ABCB4: variants seen among roughly 807,000 people sequenced by gnomAD.
ABCB4 encodes ATP binding cassette subfamily B member 4.
A neutral mutation model predicts 145.7 loss-of-function variants in ABCB4; 76 were observed. That is an observed-to-expected ratio of 0.52 (90% confidence interval 0.43 to 0.63). The LOEUF (loss-of-function observed/expected upper bound fraction) is 0.63. Ranked by LOEUF, ABCB4 falls within the 30% of genes least tolerant of loss-of-function variation. ABCB4 has a pLI of 0.00. For missense variants in ABCB4, 1,234 were observed against 1,553.1 expected (o/e 0.79, Z 3.45); for synonymous variants, 517 against 566.8 (o/e 0.91, Z 1.25).
chr7:87,376,125 T>C, the ABCB4 span, among the ~76,000 whole-genome samples: 1 of 152,114 alleles, frequency 6.6e-6, no homozygotes, highest in Non-Finnish European at 1.5e-5. Flanking sequence ...AGTAAATTGG[T>C]AAATCCTTGC....
intron 3 of ABCB4, among the ~76,000 whole-genome samples, chr7:87,463,340 T>C (rs1020983376): frequency 1.3e-5 from 2 of 152,056 alleles, no homozygotes; most frequent in Admixed American, 6.5e-5. Flanking sequence ...GGAAAATAGA[T>C]GCTCTGAGTT....
At chr7:87,463,146 T>C (rs1812579853) in intron 3 of ABCB4, among the ~76,000 whole-genome samples, 1 of 152,082 alleles carries the variant, frequency 6.6e-6, no homozygotes, top group African/African-American at 2.4e-5. Flanking sequence ...GAATAAATAA[T>C]TACTATACAA....
rs148865252 is a variant in ABCB4 at position 87,420,052 on chromosome 7, G to C, written c.2340C>G (p.Gly780=). ...FLQGFTFGKA[G]EILTRRLRSM... ...ACCGCAGTCTTCTGGTGAGGATCTC[G>C]CCAGCTTTCCCAAACGTGAAACCCT... Residue 780 remains glycine, a synonymous_variant, in exon 19 of 28, where the codon GGC becomes GGG. Coordinates refer to ENST00000649586, the MANE Select transcript of ABCB4 (RefSeq NM_000443.4). 6.2e-7 allele frequency: 1 copy of C among 1,613,936 alleles called. No homozygotes were observed. The highest frequency in any genetic ancestry group is 8.5e-7 in the Non-Finnish European group (1 of 1,179,970).
rs1174256480 is a variant in ABCB4 at position 87,417,316 on chromosome 7, C to T, written c.2678G>A (p.Gly893Glu). 1.2e-6 allele frequency: 2 copies of T among 1,613,996 alleles called. No homozygotes were observed. Among genetic ancestry groups the T allele is most frequent in the Non-Finnish European group, 8.5e-7 (1 of 1,179,964 alleles). The change falls in exon 21 of 28, where the codon GGA becomes GAA. Residue 893 changes from glycine to glutamate, a missense_variant. Physicochemically the swap from Gly to Glu is moderately conservative, Grantham distance 98. Around this residue, in one of 7 missense-constraint regions of ABCB4, gnomAD observed 301 missense variants for 389.0 expected, o/e 0.77. Transcript: ENST00000649586. ...TTGAAATCTTATTTGACCTACCTTT[C>T]CAGCAGCTTCCAGTTCTTTTTTATC... is the stretch of plus-strand genomic sequence containing the variant. ...KRDKKELEAA[G>E]KIATEAIENI...
At chr7:87,375,917 T>A in the ABCB4 span, 1 of 1,613,198 alleles carries the variant, frequency 6.2e-7, no homozygotes, top group East Asian at 2.2e-5. Context: ...CCATGGAGGA[T>A]AGCAGTCCAC....
chr7:87,382,087 T>C, the ABCB4 span: 13 of 1,612,022 alleles, frequency 8.1e-6, no homozygotes, highest in Non-Finnish European at 1.1e-5. Context: ...TCAGAGAAGG[T>C]ACGAGATATA....
At chr7:87,475,575 C>T (rs1387615932) in intron 1 of ABCB4, 59 bp downstream of exon 1, 8 of 1,115,428 alleles carry the variant, frequency 7.2e-6, no homozygotes, top group Non-Finnish European at 1.1e-5. Flanking sequence ...GCCACTCCCG[C>T]CCCGCGCCCC....
At chr7:87,454,432 A>G in intron 5 of ABCB4, 103 bp downstream of exon 5, 1 of 938,244 alleles carries the variant, frequency 1.1e-6, no homozygotes, top group Non-Finnish European at 1.6e-6. Context: ...TAATAGGTGA[A>G]TCTGGGTAAA....
intron 14 of ABCB4, among the ~76,000 whole-genome samples, chr7:87,434,116 T>C (rs953716303): frequency 3.4e-5 from 5 of 147,128 alleles, no homozygotes; most frequent in Admixed American, 3.4e-4. Context: ...TTTTTTTTTT[T>C]GGATTTTAAT....
intron 4 of ABCB4, among the ~76,000 whole-genome samples, chr7:87,461,470 A>C (rs1278273951): frequency 6.6e-6 from 1 of 152,180 alleles, no homozygotes. Context: ...TGCCCTCTCC[A>C]AGCCTTGGTT....
Position 87,471,886 on chromosome 7 carries a change from T to A in ABCB4, c.135+735A>T, listed in dbSNP as rs544905737. Among the ~76,000 whole-genome samples the A allele has an allele frequency of 1.8e-4, 28 of 152,358 alleles. No individual in the cohort carries two copies. The South Asian group carries it at 2.3e-3, about 12-fold the overall frequency. ...TTTAGCCAATTTTTTGGAAACCAAA[T>A]GTGAATGTAGATTCCTTAAATTAAA... On this transcript the variant is annotated intron_variant, in intron 3 of 27. Transcript: ENST00000649586.
the ABCB4 span, chr7:87,369,467 C>T: frequency 3.7e-6 from 6 of 1,610,910 alleles, no homozygotes; most frequent in Admixed American, 1.7e-5. Context: ...GTTTGGTCAC[C>T]CCGCCAGAGC....
chr7:87,412,000 A>G lies in ABCB4; in HGVS notation c.2817T>C (p.Ile939=), dbSNP rs748739226. 3 of 1,613,942 alleles carry G rather than the reference A, an allele frequency of 1.9e-6. No homozygotes were observed. The highest frequency in any genetic ancestry group is 8.5e-7 in the Non-Finnish European group (1 of 1,179,828). Residue 939 remains isoleucine, a synonymous_variant, in exon 23 of 28, where the codon ATT becomes ATC. Coordinates refer to ENST00000649586, the MANE Select transcript of ABCB4 (RefSeq NM_000443.4). The part of the protein sequence containing the change: ...NSVQKAHIYG[I]TFSISQAFMY... ...TAAATGCTTGTGAGATACTAAAAGT[A>G]ATTCCATAGATGTGTGCCTTCTGCA...
At chr7:87,366,111 C>G in the ABCB4 span, among the ~76,000 whole-genome samples, 1 of 152,148 alleles carries the variant, frequency 6.6e-6, no homozygotes, top group Non-Finnish European at 1.5e-5. Flanking sequence ...TTCCCCAAAC[C>G]CTTCTGCTGT....
the ABCB4 span, among the ~76,000 whole-genome samples, chr7:87,386,428 GT>G: frequency 6.6e-6 from 1 of 151,960 alleles, no homozygotes; most frequent in Non-Finnish European, 1.5e-5. Flanking sequence ...TTCCTTCTAG[GT>G]TTTCCAATTT....
intron 14 of ABCB4, among the ~76,000 whole-genome samples, chr7:87,436,219 T>C (rs1810598304): frequency 6.6e-6 from 1 of 151,976 alleles, no homozygotes; most frequent in Non-Finnish European, 1.5e-5. Context: ...AAGTTGTTAG[T>C]CATCCAATAA....
Position 87,426,918 on chromosome 7 carries a change from T to A in ABCB4, c.1896A>T (p.Thr632=), listed in dbSNP as rs763675691. Residue 632 remains threonine, a splice_region_variant and synonymous_variant, in exon 16 of 28, where the codon ACA becomes ACT. Coordinates refer to ENST00000649586, the MANE Select transcript of ABCB4 (RefSeq NM_000443.4). ...GVYFKLVNMQ[T]SGSQIQSEEF... ...CTTCTGACTGGATCTGGCTTCCTGA[T>A]GTCTGAAAGAATATCAAGACATTAA... 3.7e-6 allele frequency: 6 copies of A among 1,611,704 alleles called. No homozygotes were observed. Among genetic ancestry groups the A allele is most frequent in the South Asian group, 3.3e-5 (3 of 91,002 alleles).
intron 14 of ABCB4, among the ~76,000 whole-genome samples, chr7:87,436,348 A>G (rs1584734646): frequency 6.6e-6 from 1 of 152,006 alleles, no homozygotes; most frequent in East Asian, 1.9e-4. Flanking sequence ...CTTAAAAACT[A>G]TTTAAGAGTT....
intron 3 of ABCB4, among the ~76,000 whole-genome samples, chr7:87,463,571 CG>C (rs1224758766): frequency 1.3e-5 from 2 of 152,206 alleles, no homozygotes; most frequent in African/African-American, 4.8e-5. Context: ...GGAGAAGAAT[CG>C]GCGAGTGTAA....
Sources: allele counts gnomAD v4.1 joint callset (sites outside exome capture counted in the v4.1 genomes callset), GRCh38; gene constraint gnomAD v4.1.1; regional missense constraint gnomAD v4.1.1; transcripts MANE v1.5; gene names NCBI Gene and HGNC (gene_info 2026-07-23, HGNC 2026-07-21).